GUCY1A2: variants seen among roughly 807,000 people sequenced by gnomAD.
The protein encoded by GUCY1A2 is guanylate cyclase 1 soluble subunit alpha 2.
GUCY1A2 carries 27 observed loss-of-function variants against 63.5 expected under a neutral mutation model. The ratio of observed to expected loss-of-function variants is 0.43; its 90% CI spans 0.31 to 0.59. The LOEUF is 0.59. Among genes scored for constraint, GUCY1A2 ranks in the 20% least tolerant of loss-of-function variants. The pLI, the probability that GUCY1A2 is intolerant of heterozygous loss-of-function variation, is 0.11. For synonymous variants in GUCY1A2, 364 were observed against 343.5 expected, an observed-to-expected ratio of 1.06 and a Z score of -0.66; for missense variants, 768 against 913.3, an observed-to-expected ratio of 0.84 and a Z score of 2.05.
chr11:106,806,197 A>T (rs1393060071), intron 5 of GUCY1A2, among the ~76,000 whole-genome samples: 2 of 152,144 alleles, frequency 1.3e-5, no homozygotes, highest in Non-Finnish European at 2.9e-5. Flanking sequence ...ATTTACTACT[A>T]TGTACCAGAT....
chr11:106,939,961 G>C lies in GUCY1A2; in HGVS notation c.705C>G (p.Leu235=). ...GGTGAGGGTGGAAGTAGTGGAGCAT[G>C]AGAGTACCTTCAGGGAGCTCTTTGC... ...FLCKELPEGT[L]MLHYFHPHHI... Residue 235 remains leucine, a synonymous_variant, in exon 4 of 8, where the codon CTC becomes CTG. Transcript: ENST00000526355. 1 of 1,613,844 alleles carries C rather than the reference G, an allele frequency of 6.2e-7. No homozygotes were observed. The highest frequency in any genetic ancestry group is 1.1e-5 in the South Asian group (1 of 91,078).
chr11:106,912,590 G>A (rs1015635647), intron 4 of GUCY1A2, among the ~76,000 whole-genome samples: 1 of 152,084 alleles, frequency 6.6e-6, no homozygotes, highest in African/African-American at 2.4e-5. Flanking sequence ...CTGCAGTGGG[G>A]TGAGGTTTAA....
chr11:106,903,470 C>G (rs1055505700), intron 4 of GUCY1A2, among the ~76,000 whole-genome samples: 1 of 152,104 alleles, frequency 6.6e-6, no homozygotes, highest in Non-Finnish European at 1.5e-5. Flanking sequence ...ACTAATAAAC[C>G]CATAGAATTT....
chr11:106,758,044 C>T (rs1864004096), intron 6 of GUCY1A2, among the ~76,000 whole-genome samples: 1 of 152,178 alleles, frequency 6.6e-6, no homozygotes, highest in African/African-American at 2.4e-5. Context: ...TCAGATATGC[C>T]CTGCCCACAG....
chr11:106,918,424 A>C (rs72990353), intron 4 of GUCY1A2, among the ~76,000 whole-genome samples: 24,434 of 144,746 alleles, frequency 0.17, 4,534 homozygotes, highest in Non-Finnish European at 0.19. Flanking sequence ...TCCTACTCTT[A>C]AACAATGCAT....
chr11:106,704,415 T>G (rs1235176391), intron 7 of GUCY1A2, among the ~76,000 whole-genome samples: 2 of 152,118 alleles, frequency 1.3e-5, no homozygotes, highest in Admixed American at 6.6e-5. Flanking sequence ...ACAGGAAAAT[T>G]TAGAGCCTGG....
chr11:107,004,401 T>C (rs184824046), intron 1 of GUCY1A2, among the ~76,000 whole-genome samples: 153 of 152,322 alleles, frequency 1.0e-3, no homozygotes, highest in African/African-American at 3.3e-3. Context: ...TCTGGCTCCA[T>C]AGCAGTTGCT....
At chr11:107,014,867 C>T (rs1226756379) in intron 1 of GUCY1A2, among the ~76,000 whole-genome samples, 1 of 152,056 alleles carries the variant, frequency 6.6e-6, no homozygotes, top group Non-Finnish European at 1.5e-5. Context: ...AAATTCCCAT[C>T]TAAAAAGGCT....
chr11:106,684,128 C>T lies in GUCY1A2; in HGVS notation c.*3421G>A, dbSNP rs149633828. ...ACACTAAACTACTGTGTCCTGACACCGTTGTTACTGGACAAGAGGAAGGAG... is the reference window on the plus strand; with the variant it reads ...ACACTAAACTACTGTGTCCTGACACTGTTGTTACTGGACAAGAGGAAGGAG... On this transcript the variant is annotated 3_prime_UTR_variant, in exon 8 of 8. Coordinates refer to ENST00000526355, the MANE Select transcript of GUCY1A2 (RefSeq NM_000855.3). 1.9e-3 allele frequency: 359 copies of T among 184,166 alleles called. No homozygotes were observed. The highest frequency in any genetic ancestry group is 8.2e-3 in the African/African-American group (348 of 42,648). The allele number at this position is 184,166 out of a possible 1,614,324, so 11.4% of individuals were successfully genotyped here. A position where few individuals can be genotyped will look rare whatever the true frequency, so the allele number is the denominator to read the frequency against.
At chr11:106,798,910 G>C (rs12789988) in intron 5 of GUCY1A2, among the ~76,000 whole-genome samples, 41,785 of 151,928 alleles carry the variant, frequency 0.28, 5,913 homozygotes, top group Middle Eastern at 0.36. Flanking sequence ...GGAAGTTCTG[G>C]CCAGGGCAAT....
chr11:106,847,537 C>A (rs914638042), intron 4 of GUCY1A2, among the ~76,000 whole-genome samples: 2 of 151,324 alleles, frequency 1.3e-5, no homozygotes, highest in African/African-American at 4.8e-5. Flanking sequence ...AACAAAGCCA[C>A]AAAGCCCTGG....
intron 7 of GUCY1A2, among the ~76,000 whole-genome samples, chr11:106,688,627 TA>T (rs1045612239): frequency 2.6e-5 from 4 of 152,020 alleles, no homozygotes; most frequent in Admixed American, 2.0e-4. Context: ...AAAGAATTTT[TA>T]AAAAAACCCA....
At chr11:106,946,378 G>T (rs1379627334) in intron 3 of GUCY1A2, among the ~76,000 whole-genome samples, 1 of 151,896 alleles carries the variant, frequency 6.6e-6, no homozygotes, top group Non-Finnish European at 1.5e-5. Flanking sequence ...CAATGTAAAA[G>T]AAATATGATA....
rs765981174 is a variant in GUCY1A2 at position 106,939,588 on chromosome 11, A to G, written c.1078T>C (p.Phe360Leu). ...LRCDTHKVLK[F>L]EDCFEIVSPK... ...GATACAATCTCGAAGCAGTCCTCAA[A>G]CTTGAGCACTTTGTGAGTGTCACAT... The change falls in exon 4 of 8, where the codon TTT (phenylalanine) becomes CTT (leucine). Residue 360 changes from phenylalanine (F) to leucine (L), a missense_variant. By Grantham distance (22) the Phe-to-Leu change is conservative. Transcript: ENST00000526355. 3.1e-6 allele frequency: 5 copies of G among 1,613,420 alleles called. 1 individual carries two copies. The highest frequency in any genetic ancestry group is 1.3e-5 in the African/African-American group (1 of 74,918).
At chr11:106,946,785 T>G (rs915304603) in intron 3 of GUCY1A2, among the ~76,000 whole-genome samples, 1 of 152,208 alleles carries the variant, frequency 6.6e-6, no homozygotes, top group Non-Finnish European at 1.5e-5. Context: ...TAAAATTGAT[T>G]GTAGTGATGG....
At chr11:106,710,571 T>C (rs1249566923) in intron 6 of GUCY1A2, among the ~76,000 whole-genome samples, 1 of 151,132 alleles carries the variant, frequency 6.6e-6, no homozygotes, top group Non-Finnish European at 1.5e-5. Context: ...ACTTCAACCC[T>C]TGAGACAGTC....
chr11:106,992,312 A>C (rs993767333), intron 1 of GUCY1A2, among the ~76,000 whole-genome samples: 1 of 151,144 alleles, frequency 6.6e-6, no homozygotes, highest in Non-Finnish European at 1.5e-5. Context: ...CCTCTTGTAC[A>C]AAAAGAATAT....
chr11:106,756,425 G>A (rs1036131622), intron 6 of GUCY1A2, among the ~76,000 whole-genome samples: 1 of 152,128 alleles, frequency 6.6e-6, no homozygotes. Context: ...GTTCATTGCT[G>A]CAGTTTCTTC....
chr11:106,726,652 C>T (rs1347375701), intron 6 of GUCY1A2, among the ~76,000 whole-genome samples: 2 of 151,946 alleles, frequency 1.3e-5, no homozygotes, highest in African/African-American at 4.8e-5. Flanking sequence ...TGATTAGAGA[C>T]ACATGTAGGA....
Sources: allele counts gnomAD v4.1 joint callset (sites outside exome capture counted in the v4.1 genomes callset), GRCh38; gene constraint gnomAD v4.1.1; transcripts MANE v1.5; gene names NCBI Gene and HGNC (gene_info 2026-07-23, HGNC 2026-07-21).